PBRM1: variants seen among roughly 807,000 people sequenced by gnomAD.
PBRM1 encodes the protein protein polybromo-1.
In PBRM1, 27 loss-of-function variants were observed where a neutral mutation model predicts 194.5. The observed-to-expected ratio is 0.14, with a 90% CI of 0.10 to 0.19. PBRM1 has a LOEUF of 0.19. PBRM1 is among the 10% of genes least tolerant of loss of function. The pLI, the probability that PBRM1 is intolerant of heterozygous loss-of-function variation, is 1.00. For synonymous variants in PBRM1, 655 were observed against 693.2 expected (o/e 0.94, Z 0.87); for missense variants, 1,466 against 2,077.2 (o/e 0.71, Z 5.72).
At chr3:52,549,943 C>T (rs961447010) in intron 29 of PBRM1, among the ~76,000 whole-genome samples, 1 of 149,750 alleles carries the variant, frequency 6.7e-6, no homozygotes. Flanking sequence ...TCAGGCCAGG[C>T]ACAGTGGCTC....
At chr3:52,595,828 G>A (rs745873590) in intron 17 of PBRM1, among the ~76,000 whole-genome samples, 7 of 152,184 alleles carry the variant, frequency 4.6e-5, no homozygotes, top group Non-Finnish European at 8.8e-5. Flanking sequence ...TACATGGCAA[G>A]AGACGGGGCT....
exon 30 of PBRM1, chr3:52,548,104 T>C (rs763922587): frequency 6.2e-7 from 1 of 1,610,602 alleles, no homozygotes; most frequent in Non-Finnish European, 8.5e-7. Flanking sequence ...ATGTTGAGGG[T>C]GTCCCGGAGC....
intron 25 of PBRM1, among the ~76,000 whole-genome samples, chr3:52,559,552 C>A (rs1394759665): frequency 1.3e-5 from 2 of 152,128 alleles, no homozygotes; most frequent in Non-Finnish European, 2.9e-5. Flanking sequence ...GGCCCTAACT[C>A]CTGATATCAC....
intron 3 of PBRM1, among the ~76,000 whole-genome samples, chr3:52,666,913 A>G (rs552935971): frequency 1.3e-5 from 2 of 152,134 alleles, no homozygotes; most frequent in South Asian, 4.1e-4. Context: ...AAAAAATTAT[A>G]AAGCCAAAGT....
chr3:52,546,553 A>G (rs1226072476), downstream of PBRM1: 1 of 230,294 alleles, frequency 4.3e-6, no homozygotes, highest in East Asian at 6.3e-5. Flanking sequence ...GTAATTAAAC[A>G]TCTGGGTACT....
downstream of PBRM1, chr3:52,546,325 T>C: frequency 4.3e-6 from 1 of 232,364 alleles, no homozygotes. Flanking sequence ...TAGCCAGGAA[T>C]TGAAGATTTA....
intron 9 of PBRM1, 87 bp from the exon 11 acceptor site, chr3:52,642,132 G>C: frequency 1.3e-6 from 1 of 749,964 alleles, no homozygotes. Context: ...TTAACAAAGT[G>C]TTAAGATGAA....
At chr3:52,545,906 C>T (rs892809689), downstream of PBRM1, 3 of 232,322 alleles carry the variant, frequency 1.3e-5, no homozygotes, top group African/African-American at 4.4e-5. Context: ...TAAATATTAA[C>T]GATATCCCCC....
chr3:52,628,859 T>C (rs755388204), intron 12 of PBRM1, 35 bp downstream of exon 13: 7 of 1,598,196 alleles, frequency 4.4e-6, no homozygotes, highest in Non-Finnish European at 4.3e-6. Context: ...TTTAATCATA[T>C]ATACAACAAA....
At chr3:52,651,444 T>C (rs2096490277) in intron 6 of PBRM1, among the ~76,000 whole-genome samples, 2 of 152,156 alleles carry the variant, frequency 1.3e-5, no homozygotes, top group South Asian at 4.1e-4. Flanking sequence ...ACCCCATAAA[T>C]ACATACACCT....
At chr3:52,594,856 T>C (rs886294277) in intron 17 of PBRM1, among the ~76,000 whole-genome samples, 1 of 152,228 alleles carries the variant, frequency 6.6e-6, no homozygotes, top group Non-Finnish European at 1.5e-5. Flanking sequence ...CAGAAATTAC[T>C]GGTTGGAATT....
chr3:52,573,916 G>A (rs1034374334), intron 22 of PBRM1, among the ~76,000 whole-genome samples: 1 of 152,200 alleles, frequency 6.6e-6, no homozygotes, highest in Non-Finnish European at 1.5e-5. Context: ...TGTGGTGATA[G>A]AGGAAGCAAA....
chr3:52,604,015 A>G (rs2094175490), intron 16 of PBRM1, among the ~76,000 whole-genome samples: 1 of 152,218 alleles, frequency 6.6e-6, no homozygotes, highest in Admixed American at 6.5e-5. Context: ...TATATGGCAC[A>G]CGCATCAATC....
intron 5 of PBRM1, among the ~76,000 whole-genome samples, chr3:52,657,212 T>C (rs1450338568): frequency 6.6e-6 from 1 of 152,206 alleles, no homozygotes; most frequent in African/African-American, 2.4e-5. Context: ...AAGTTCCAGA[T>C]AGTGGTGATG....
intron 13 of PBRM1, among the ~76,000 whole-genome samples, chr3:52,617,819 C>T (rs571324091): frequency 2.0e-5 from 3 of 152,240 alleles, no homozygotes; most frequent in Non-Finnish European, 2.9e-5. Context: ...AAATAAGATC[C>T]TCTCTGATAC....
intron 20 of PBRM1, among the ~76,000 whole-genome samples, chr3:52,583,984 AC>A (rs1170712992): frequency 6.6e-6 from 1 of 152,126 alleles, no homozygotes; most frequent in Non-Finnish European, 1.5e-5. Context: ...AAAATGTAAT[AC>A]ATCTGGCAGG....
In PBRM1 at chr3:52,609,967, T is replaced by C. The variant is rs769875714; in HGVS notation, c.1925-12A>G. 2 of 1,417,452 alleles carry C rather than the reference T, an allele frequency of 1.4e-6. No homozygotes were observed. Among genetic ancestry groups the C allele is most frequent in the Non-Finnish European group, 1.9e-6 (2 of 1,060,740 alleles). 87.8% of individuals were successfully genotyped at this position (1,417,452 alleles called of 1,614,324 possible). On this transcript the variant is annotated splice_polypyrimidine_tract_variant and intron_variant, in intron 15 of 29. Coordinates refer to ENST00000296302, the Ensembl canonical transcript of PBRM1. The surrounding 1 kb of genome is among the most constrained non-coding windows in gnomAD (Gnocchi z 4.1). The stretch of plus-strand genomic sequence containing the variant: ...GCCACTCTTCCTACCTAAAGAGAGA[T>C]ATTTAATGTTAAATGAATAAAATAA...
rs137864466 is a variant in PBRM1 at position 52,621,959 on chromosome 3, T to C, written c.1542-4421A>G. 7.2e-3 allele frequency among the ~76,000 whole-genome samples: 1,099 copies of C among 152,172 alleles called. 11 individuals are homozygous for C. The highest frequency in any genetic ancestry group is 0.025 in the African/African-American group (1,034 of 41,510). ...TACACATGAGGCTGAGGTGGGAGGA[T>C]TGTTTGAACCCAGAAGATCACGGCT... On this transcript the variant is annotated intron_variant, in intron 13 of 29. Transcript: ENST00000296302.
At chr3:52,670,046 C>T (rs144930773) in intron 2 of PBRM1, among the ~76,000 whole-genome samples, 1 of 134,632 alleles carries the variant, frequency 7.4e-6, no homozygotes, top group Non-Finnish European at 1.7e-5. Flanking sequence ...ATGGTCCTCT[C>T]CATCTGGGCC....
Sources: gnomAD v4.1 joint callset for allele counts (sites outside exome capture counted in the v4.1 genomes callset) on GRCh38, gnomAD v4.1.1 for gene constraint, Gnocchi (gnomAD v3.1) non-coding constraint, MANE v1.5 for transcripts, NCBI Gene and HGNC (gene_info 2026-07-23, HGNC 2026-07-21) for gene names.